The following TNFSF4 variants were observed in gnomAD, a reference collection of about 807,000 sequenced individuals.
TNFSF4 encodes tumor necrosis factor ligand superfamily member 4.
A neutral mutation model predicts 7.3 loss-of-function variants in TNFSF4; 4 were observed. The observed-to-expected ratio is 0.55, with a 90% CI of 0.27 to 1.25. The LOEUF (loss-of-function observed/expected upper bound fraction) is 1.25, where lower values mean the gene tolerates loss of function less well. Ranked by LOEUF, TNFSF4 falls within the 50% of genes most tolerant of loss-of-function variation. The pLI, the probability that TNFSF4 is intolerant of heterozygous loss-of-function variation, is 0.12. For synonymous variants in TNFSF4, 76 were observed against 83.7 expected (o/e 0.91, Z 0.50); for missense variants, 181 against 208.8 (o/e 0.87, Z 0.82).
chr1:173,335,415 G>A, the TNFSF4 span, among the ~76,000 whole-genome samples: 10 of 152,242 alleles, frequency 6.6e-5, no homozygotes, highest in South Asian at 2.1e-3. Context: ...CATTACAGTA[G>A]AAATAGCCCC....
the TNFSF4 span, among the ~76,000 whole-genome samples, chr1:173,433,239 A>G: frequency 2.0e-5 from 3 of 152,342 alleles, no homozygotes; most frequent in Non-Finnish European, 2.9e-5. Flanking sequence ...CATCTAAAGT[A>G]GTCACAATAA....
the TNFSF4 span, among the ~76,000 whole-genome samples, chr1:173,410,570 T>C: frequency 6.6e-6 from 1 of 152,160 alleles, no homozygotes; most frequent in Non-Finnish European, 1.5e-5. Flanking sequence ...CCTCTCACAA[T>C]GGGAGGGAAC....
the TNFSF4 span, among the ~76,000 whole-genome samples, chr1:173,269,702 C>T: frequency 6.6e-6 from 1 of 152,078 alleles, no homozygotes; most frequent in Admixed American, 6.6e-5. Context: ...CTACTCAGAG[C>T]AGTGGAAATT....
chr1:173,256,390 G>C, the TNFSF4 span, among the ~76,000 whole-genome samples: 4 of 152,050 alleles, frequency 2.6e-5, no homozygotes, highest in Non-Finnish European at 1.5e-5. Context: ...GATCTCACAT[G>C]GCAGAGAGAC....
At chr1:173,363,138 C>A in the TNFSF4 span, 1 of 329,320 alleles carries the variant, frequency 3.0e-6, no homozygotes. Context: ...TTTCTTTCTG[C>A]AAGGGCCTGC....
chr1:173,175,687 G>C, the TNFSF4 span, among the ~76,000 whole-genome samples: 1 of 152,190 alleles, frequency 6.6e-6, no homozygotes, highest in South Asian at 2.1e-4. Context: ...TGTAATTTGA[G>C]AGGCTCTTGT....
At chr1:173,370,190 G>A in the TNFSF4 span, among the ~76,000 whole-genome samples, 1 of 152,200 alleles carries the variant, frequency 6.6e-6, no homozygotes, top group African/African-American at 2.4e-5. Context: ...ACAGGGTCTA[G>A]GGCAAACCTT....
At chr1:173,430,842 C>CA in the TNFSF4 span, among the ~76,000 whole-genome samples, 3 of 152,312 alleles carry the variant, frequency 2.0e-5, no homozygotes, top group South Asian at 6.2e-4. Flanking sequence ...CTCCAGTGCC[C>CA]ACAGATCCCA....
the TNFSF4 span, among the ~76,000 whole-genome samples, chr1:173,324,777 A>G: frequency 2.9e-3 from 444 of 152,356 alleles, 6 homozygotes; most frequent in African/African-American, 8.9e-3. Context: ...AGGCCATTAC[A>G]TAATGGTAAA....
At chr1:173,442,550 TG>T in the TNFSF4 span, among the ~76,000 whole-genome samples, 15,021 of 128,454 alleles carry the variant, frequency 0.12, 2,431 homozygotes, top group East Asian at 0.23. Flanking sequence ...TTTTTGTTTT[TG>T]TTTTTTTTTT....
At chr1:173,418,575 CT>C in the TNFSF4 span, 1 of 151,544 alleles carries the variant, frequency 6.6e-6, no homozygotes, top group Non-Finnish European at 1.5e-5. Context: ...CTTGATTTGG[CT>C]GGGAGGAGTG....
At chr1:173,411,799 A>G in the TNFSF4 span, among the ~76,000 whole-genome samples, 1 of 150,466 alleles carries the variant, frequency 6.6e-6, no homozygotes, top group African/African-American at 2.4e-5. Flanking sequence ...AGACTCTCTC[A>G]AAAAATAAAA....
the TNFSF4 span, among the ~76,000 whole-genome samples, chr1:173,247,021 C>G: frequency 3.9e-5 from 6 of 152,144 alleles, no homozygotes; most frequent in African/African-American, 1.4e-4. Context: ...GAATCTAATG[C>G]CTTAAATATT....
chr1:173,370,362 T>C, the TNFSF4 span, among the ~76,000 whole-genome samples: 1 of 152,192 alleles, frequency 6.6e-6, no homozygotes, highest in African/African-American at 2.4e-5. Context: ...TTCTCTGTTG[T>C]TCAGCAAGCC....
chr1:173,439,656 G>A, the TNFSF4 span, among the ~76,000 whole-genome samples: 1 of 152,176 alleles, frequency 6.6e-6, no homozygotes, highest in African/African-American at 2.4e-5. Flanking sequence ...ATAACACCAA[G>A]TATTGCTATA....
At chr1:173,210,915 C>A (rs549515071), upstream of TNFSF4, among the ~76,000 whole-genome samples, 9 of 152,118 alleles carry the variant, frequency 5.9e-5, no homozygotes, top group Non-Finnish European at 1.3e-4. Flanking sequence ...TTTATCATCC[C>A]ACAAAGGTGA....
chr1:173,345,011 T>C, the TNFSF4 span, among the ~76,000 whole-genome samples: 252 of 152,308 alleles, frequency 1.7e-3, 1 homozygote, highest in African/African-American at 5.9e-3. Flanking sequence ...TACATAGTGG[T>C]ATTACTGAAA....
the TNFSF4 span, among the ~76,000 whole-genome samples, chr1:173,414,111 T>C: frequency 6.6e-6 from 1 of 152,220 alleles, no homozygotes; most frequent in African/African-American, 2.4e-5. Context: ...TGTACTAGTG[T>C]GCTCAGGCTG....
At chr1:173,214,665 G>A in the TNFSF4 span, among the ~76,000 whole-genome samples, 4 of 152,306 alleles carry the variant, frequency 2.6e-5, no homozygotes, top group Non-Finnish European at 5.9e-5. Flanking sequence ...AAGCCGTCCT[G>A]GGCCACATGT....
Sources: allele counts gnomAD v4.1 joint callset (sites outside exome capture counted in the v4.1 genomes callset), GRCh38; gene constraint gnomAD v4.1.1; transcripts MANE v1.5; gene names NCBI Gene and HGNC (gene_info 2026-07-23, HGNC 2026-07-21).